HAPSTR1: variants seen among roughly 807,000 people sequenced by gnomAD.
HAPSTR1 encodes the protein HUWE1-associated protein modifying stress responses 1.
the HAPSTR1 span, chr16:9,117,849 T>G: frequency 6.6e-6 from 1 of 152,666 alleles, no homozygotes; most frequent in Non-Finnish European, 1.5e-5. Flanking sequence ...AGTCCCTGCT[T>G]AGTGCAGTTT....
At chr16:9,101,764 A>C in the HAPSTR1 span, among the ~76,000 whole-genome samples, 1 of 149,842 alleles carries the variant, frequency 6.7e-6, no homozygotes, top group African/African-American at 2.5e-5. Context: ...TTTTTCTGGA[A>C]CATAGCTTTA....
chr16:9,113,671 T>G, the HAPSTR1 span, among the ~76,000 whole-genome samples: 1 of 152,230 alleles, frequency 6.6e-6, no homozygotes, highest in Admixed American at 6.5e-5. Flanking sequence ...TATTTTGCCA[T>G]AATAATTACC....
chr16:9,098,912 C>A, the HAPSTR1 span, among the ~76,000 whole-genome samples: 5 of 152,156 alleles, frequency 3.3e-5, no homozygotes, highest in Non-Finnish European at 7.3e-5. Flanking sequence ...TTCCTTGTTA[C>A]AAACTTGCGA....
At chr16:9,092,055 G>C in the HAPSTR1 span, 25 of 1,523,660 alleles carry the variant, frequency 1.6e-5, no homozygotes, top group Non-Finnish European at 2.1e-5. Flanking sequence ...ATGGAGGAGC[G>C]GAAGGAGGAG....
the HAPSTR1 span, chr16:9,106,695 C>G: frequency 6.6e-6 from 1 of 151,824 alleles, no homozygotes; most frequent in African/African-American, 2.4e-5. Context: ...TTTCCTGTGT[C>G]CTATGGGACC....
the HAPSTR1 span, chr16:9,091,859 T>A: frequency 4.7e-6 from 2 of 426,352 alleles, no homozygotes; most frequent in Non-Finnish European, 7.9e-6. Context: ...CGTCCCTGGT[T>A]GCACGGGGCC....
chr16:9,119,933 G>C, the HAPSTR1 span: 1 of 152,158 alleles, frequency 6.6e-6, no homozygotes, highest in East Asian at 1.9e-4. Context: ...CAACCCAGAG[G>C]GCTAGTCAGC....
the HAPSTR1 span, among the ~76,000 whole-genome samples, chr16:9,095,471 C>G: frequency 6.6e-6 from 1 of 152,114 alleles, no homozygotes; most frequent in East Asian, 1.9e-4. Flanking sequence ...GTGGATACTT[C>G]TAAGTGGGCA....
the HAPSTR1 span, among the ~76,000 whole-genome samples, chr16:9,093,958 T>C: frequency 6.6e-6 from 1 of 152,144 alleles, no homozygotes; most frequent in Admixed American, 6.6e-5. Flanking sequence ...AATGGAACTT[T>C]GTGCATTTCA....
chr16:9,114,629 AGAAAC>A, the HAPSTR1 span, among the ~76,000 whole-genome samples: 1 of 152,096 alleles, frequency 6.6e-6, no homozygotes, highest in African/African-American at 2.4e-5. Context: ...GGGAAGAGAG[AGAAAC>A]TGTTCAAAGA....
At chr16:9,092,628 G>C in the HAPSTR1 span, among the ~76,000 whole-genome samples, 1 of 151,798 alleles carries the variant, frequency 6.6e-6, no homozygotes, top group Non-Finnish European at 1.5e-5. Flanking sequence ...ATTGTGCCCT[G>C]AGCCGGCCTC....
the HAPSTR1 span, among the ~76,000 whole-genome samples, chr16:9,102,738 AT>A: frequency 1.5e-4 from 23 of 149,128 alleles, no homozygotes; most frequent in East Asian, 7.8e-4. Flanking sequence ...TTTCTGTTAA[AT>A]TTTTTTTTTT....
chr16:9,119,552 TA>T, the HAPSTR1 span: 2 of 152,218 alleles, frequency 1.3e-5, no homozygotes, highest in East Asian at 3.8e-4. Flanking sequence ...GCTGAAGTAT[TA>T]AAATGTTTAA....
the HAPSTR1 span, among the ~76,000 whole-genome samples, chr16:9,093,591 T>C: frequency 6.6e-6 from 1 of 152,242 alleles, no homozygotes; most frequent in Non-Finnish European, 1.5e-5. Context: ...TGCTCTTCTC[T>C]AGCAATTTGA....
chr16:9,092,325 C>G, the HAPSTR1 span: 3 of 1,338,100 alleles, frequency 2.2e-6, no homozygotes, highest in South Asian at 5.5e-5. Context: ...CCGGGCCCGG[C>G]CCCGGCCCTA....
the HAPSTR1 span, among the ~76,000 whole-genome samples, chr16:9,099,996 A>G: frequency 6.6e-6 from 1 of 152,202 alleles, no homozygotes; most frequent in Admixed American, 6.5e-5. Context: ...AGGCAATTGG[A>G]CTTGGTTTTC....
At chr16:9,093,862 T>C in the HAPSTR1 span, among the ~76,000 whole-genome samples, 1 of 151,972 alleles carries the variant, frequency 6.6e-6, no homozygotes, top group Admixed American at 6.6e-5. Flanking sequence ...TTGGCAAGAT[T>C]TTTATGGAAA....
the HAPSTR1 span, chr16:9,119,438 C>A: frequency 2.0e-5 from 3 of 152,218 alleles, no homozygotes; most frequent in Admixed American, 2.0e-4. Context: ...AAGCCAGATT[C>A]TCTGATTCTT....
the HAPSTR1 span, chr16:9,117,608 A>G: frequency 6.5e-6 from 1 of 152,878 alleles, no homozygotes; most frequent in South Asian, 2.1e-4. Flanking sequence ...AACTGTCCCC[A>G]GAGTAACCCT....
Sources: allele counts gnomAD v4.1 joint callset (sites outside exome capture counted in the v4.1 genomes callset), GRCh38; gene constraint gnomAD v4.1.1; transcripts MANE v1.5; gene names NCBI Gene and HGNC (gene_info 2026-07-23, HGNC 2026-07-21).